The following ANKFN1 variants were observed in gnomAD, a reference collection of about 807,000 sequenced individuals.
ANKFN1 encodes ankyrin repeat and fibronectin type III domain containing 1, also known as ankyrin repeat and fibronectin type-III domain-containing protein 1.
Under a neutral mutation model 108.7 loss-of-function variants are expected in ANKFN1, and 74 were observed. The observed-to-expected ratio is 0.68, with a 90% CI of 0.56 to 0.83. ANKFN1 has a LOEUF of 0.83. ANKFN1 is among the 40% of genes least tolerant of loss of function. ANKFN1 has a pLI of 0.00. For synonymous variants in ANKFN1, 547 were observed against 516.2 expected (o/e 1.06, Z -0.81); for missense variants, 1,505 against 1,382.3 (o/e 1.09, Z -1.41).
intron 8 of ANKFN1, among the ~76,000 whole-genome samples, chr17:56,430,245 G>A (rs2048707081): frequency 1.3e-5 from 2 of 152,088 alleles, no homozygotes; most frequent in Admixed American, 1.3e-4. Context: ...AGGGTATCAT[G>A]CTAAGTGAAA....
At chr17:56,198,489 C>T (rs1426820582) in intron 1 of ANKFN1, among the ~76,000 whole-genome samples, 1 of 152,148 alleles carries the variant, frequency 6.6e-6, no homozygotes, top group African/African-American at 2.4e-5. Context: ...ACCCACTGCT[C>T]ACCTCCTGCC....
chr17:56,324,317 A>C (rs948808052), intron 3 of ANKFN1, among the ~76,000 whole-genome samples: 4 of 152,230 alleles, frequency 2.6e-5, no homozygotes, highest in African/African-American at 9.6e-5. Context: ...TACTTACTAA[A>C]TGTCTATTGA....
intron 4 of ANKFN1, among the ~76,000 whole-genome samples, chr17:56,092,163 A>G (rs78585768): frequency 0.016 from 2,396 of 151,452 alleles, 109 homozygotes; most frequent in African/African-American, 0.055. Flanking sequence ...AATGGTCTGC[A>G]CTATATAGAG....
chr17:56,350,690 C>T (rs1342572238), intron 4 of ANKFN1, 76 bp from the exon 5 acceptor site: 1 of 1,349,318 alleles, frequency 7.4e-7, no homozygotes, highest in East Asian at 2.3e-5. Context: ...CAGATACTGA[C>T]TGGAGATGAT....
intron 1 of ANKFN1, among the ~76,000 whole-genome samples, chr17:56,196,713 C>G (rs935625301): frequency 3.3e-5 from 5 of 152,102 alleles, no homozygotes; most frequent in African/African-American, 1.2e-4. Context: ...TCCACTCCAG[C>G]CTGGGTGACA....
At chr17:56,084,211 G>A (rs1251755662) in intron 4 of ANKFN1, among the ~76,000 whole-genome samples, 1 of 151,270 alleles carries the variant, frequency 6.6e-6, no homozygotes, top group East Asian at 1.9e-4. Flanking sequence ...CCAATGGGAG[G>A]CACCAGAAGG....
At chr17:56,381,659 T>A (rs777405817) in intron 8 of ANKFN1, among the ~76,000 whole-genome samples, 1 of 152,164 alleles carries the variant, frequency 6.6e-6, no homozygotes, top group African/African-American at 2.4e-5. Flanking sequence ...CAGGAGCCGA[T>A]GCAATCAACT....
At chr17:56,431,441 C>G (rs912995664) in intron 8 of ANKFN1, among the ~76,000 whole-genome samples, 2 of 152,170 alleles carry the variant, frequency 1.3e-5, no homozygotes, top group Non-Finnish European at 2.9e-5. Flanking sequence ...CAGAAATTAG[C>G]TTAAATGCTC....
rs1267552114 is a variant in ANKFN1 at position 56,093,413 on chromosome 17, G to T, written c.288+47088G>T. On this transcript the variant is annotated intron_variant, in intron 4 of 12. Coordinates refer to the ANKFN1 transcript ENST00000635860. The stretch of plus-strand genomic sequence containing the variant: ...TGTTTTGAACGTGCCAGTGGCTCCA[G>T]AGACACTGGCATATAGGGAAGATTT... Among the ~76,000 whole-genome samples, 2 of 150,990 alleles carry T rather than the reference G, an allele frequency of 1.3e-5. 1 individual carries two copies.
chr17:56,361,173 T>C lies in ANKFN1; in HGVS notation c.601+7127T>C, dbSNP rs560022758. Among the ~76,000 whole-genome samples, 7 of 152,208 alleles carry C rather than the reference T, an allele frequency of 4.6e-5. 2 individuals are homozygous for C. In the East Asian group the frequency reaches 1.4e-3, roughly 29 times the overall value. On this transcript the variant is annotated intron_variant, in intron 6 of 20. Coordinates refer to ENST00000682825, the MANE Select transcript of ANKFN1 (RefSeq NM_001370326.1). Reference sequence around the variant, plus strand: ...TTTATAGCCATCTTTTTTTTCTTTTTAAAAAAATTTTAAATATACATGCAA... The same window carrying C: ...TTTATAGCCATCTTTTTTTTCTTTTCAAAAAAATTTTAAATATACATGCAA...
chr17:56,508,501 G>A (rs955908174), intron 20 of ANKFN1, among the ~76,000 whole-genome samples: 1 of 152,030 alleles, frequency 6.6e-6, no homozygotes, highest in Non-Finnish European at 1.5e-5. Context: ...ATATCAAAAC[G>A]GGACTACTTG....
At chr17:56,328,439 GA>G (rs1475853057) in intron 4 of ANKFN1, among the ~76,000 whole-genome samples, 9 of 152,122 alleles carry the variant, frequency 5.9e-5, no homozygotes, top group Admixed American at 1.3e-4. Context: ...ATTCCTAGGG[GA>G]AATAGTAAAG....
At chr17:56,364,257 G>A (rs760456728) in intron 6 of ANKFN1, among the ~76,000 whole-genome samples, 3 of 152,018 alleles carry the variant, frequency 2.0e-5, no homozygotes, top group Non-Finnish European at 4.4e-5. Context: ...TGTGTCTAGT[G>A]CAAATGAATA....
At chr17:56,408,801 G>A (rs886148696) in intron 8 of ANKFN1, among the ~76,000 whole-genome samples, 6 of 152,082 alleles carry the variant, frequency 3.9e-5, no homozygotes, top group African/African-American at 1.4e-4. Context: ...TTAAATTGAT[G>A]TAAAAACAAA....
intron 4 of ANKFN1, among the ~76,000 whole-genome samples, chr17:56,081,472 C>T (rs1337677994): frequency 6.6e-6 from 1 of 152,146 alleles, no homozygotes; most frequent in Non-Finnish European, 1.5e-5. Flanking sequence ...CCTGCCTCAG[C>T]CTCCAGAGTG....
intron 4 of ANKFN1, among the ~76,000 whole-genome samples, chr17:56,328,676 T>G (rs930457983): frequency 6.6e-6 from 1 of 152,116 alleles, no homozygotes; most frequent in African/African-American, 2.4e-5. Flanking sequence ...GATTAGACAA[T>G]ACCATCTCAA....
intron 4 of ANKFN1, among the ~76,000 whole-genome samples, chr17:56,139,799 T>A: frequency 6.6e-6 from 1 of 152,116 alleles, no homozygotes; most frequent in Non-Finnish European, 1.5e-5. Flanking sequence ...CTGACCACAT[T>A]ACCAACTTTT....
intron 3 of ANKFN1, chr17:56,257,965 C>T (rs933689632): frequency 6.6e-6 from 1 of 152,214 alleles, no homozygotes; most frequent in Non-Finnish European, 1.5e-5. Context: ...ACTGTCATTA[C>T]TCCACTTAGA....
chr17:56,334,470 C>A (rs757962256), intron 4 of ANKFN1, among the ~76,000 whole-genome samples: 1 of 152,000 alleles, frequency 6.6e-6, no homozygotes, highest in East Asian at 1.9e-4. Flanking sequence ...TTAAAACATG[C>A]AGTTTATTTT....
Sources: gnomAD v4.1 joint callset for allele counts (sites outside exome capture counted in the v4.1 genomes callset) on GRCh38, gnomAD v4.1.1 for gene constraint, MANE v1.5 for transcripts, NCBI Gene and HGNC (gene_info 2026-07-23, HGNC 2026-07-21) for gene names.